LNX1: variants seen among roughly 807,000 people sequenced by gnomAD.
The protein encoded by LNX1 is E3 ubiquitin-protein ligase LNX.
Under a neutral mutation model 68.4 loss-of-function variants are expected in LNX1, and 54 were observed. The observed-to-expected ratio is 0.79, with a 90% CI of 0.63 to 0.99. The LOEUF is 0.99. Among genes scored for constraint, LNX1 ranks in the 50% least tolerant of loss-of-function variants. The pLI is 0.00. For missense variants in LNX1, 906 were observed against 926.4 expected, an observed-to-expected ratio of 0.98 and a Z score of 0.29; for synonymous variants, 336 against 350.0, an observed-to-expected ratio of 0.96 and a Z score of 0.45.
chr4:53,564,919 C>G (rs1730550480), intron 2 of LNX1, among the ~76,000 whole-genome samples: 1 of 152,220 alleles, frequency 6.6e-6, no homozygotes, highest in Non-Finnish European at 1.5e-5. Flanking sequence ...TCACTCCCAC[C>G]CGAATACTGC....
At chr4:53,564,343 C>G (rs1730494776) in intron 2 of LNX1, among the ~76,000 whole-genome samples, 1 of 150,130 alleles carries the variant, frequency 6.7e-6, no homozygotes, top group South Asian at 2.1e-4. Flanking sequence ...TTCCCCTTCC[C>G]CACATCCCTT....
At chr4:53,567,315 C>G (rs1466337602) in intron 2 of LNX1, among the ~76,000 whole-genome samples, 1 of 147,538 alleles carries the variant, frequency 6.8e-6, no homozygotes, top group African/African-American at 2.5e-5. Flanking sequence ...ACAGTGCAAT[C>G]AAACTAGAAC....
chr4:53,468,384 A>G (rs1415576102), intron 9 of LNX1, among the ~76,000 whole-genome samples: 1 of 152,236 alleles, frequency 6.6e-6, no homozygotes, highest in East Asian at 1.9e-4. Flanking sequence ...GCTACTGCAA[A>G]AACATGCCAA....
At chr4:53,565,557 A>G (rs1267591909) in intron 2 of LNX1, among the ~76,000 whole-genome samples, 9 of 151,992 alleles carry the variant, frequency 5.9e-5, no homozygotes, top group Non-Finnish European at 1.3e-4. Context: ...AAAAAACAGA[A>G]CAGAAAAACT....
intron 2 of LNX1, among the ~76,000 whole-genome samples, chr4:53,545,241 C>T (rs568555213): frequency 6.6e-6 from 1 of 152,312 alleles, no homozygotes; most frequent in East Asian, 1.9e-4. Flanking sequence ...CTAGGAACTG[C>T]CATCTTCAGC....
chr4:53,537,635 G>A (rs917306462), intron 2 of LNX1, among the ~76,000 whole-genome samples: 1 of 152,152 alleles, frequency 6.6e-6, no homozygotes, highest in African/African-American at 2.4e-5. Context: ...CTCCTGCCAG[G>A]CTTGTGAGAC....
intron 2 of LNX1, among the ~76,000 whole-genome samples, chr4:53,531,888 A>C (rs374702866): frequency 5.3e-5 from 8 of 152,078 alleles, no homozygotes; most frequent in Non-Finnish European, 1.2e-4. Context: ...CAATATATTT[A>C]TTTCTCTCTC....
chr4:53,615,976 T>G (rs1447302532), intron 2 of LNX1, among the ~76,000 whole-genome samples: 5 of 150,544 alleles, frequency 3.3e-5, no homozygotes, highest in South Asian at 4.3e-4. Flanking sequence ...CCTGTTGTGC[T>G]ATCAAATAGC....
intron 1 of LNX1, among the ~76,000 whole-genome samples, chr4:53,579,561 T>C (rs1385867610): frequency 6.6e-6 from 1 of 152,086 alleles, no homozygotes; most frequent in Admixed American, 6.5e-5. Context: ...TAAAGACACA[T>C]ACCAGAGCAA....
chr4:53,596,853 G>A, intron 2 of LNX1, among the ~76,000 whole-genome samples: 1 of 152,088 alleles, frequency 6.6e-6, no homozygotes, highest in Non-Finnish European at 1.5e-5. Context: ...TCACCCCTTA[G>A]ATCTTGTTAT....
At chr4:53,529,102 A>AACACACACACACACACAC (rs201017055) in intron 2 of LNX1, among the ~76,000 whole-genome samples, 17,404 of 137,782 alleles carry the variant, frequency 0.13, 1,403 homozygotes, top group South Asian at 0.22. Context: ...AGTCCTGACC[A>AACACACACACACACACAC]ACACACACAC....
chr4:53,640,777 T>C (rs1734649568), intron 1 of LNX1, among the ~76,000 whole-genome samples: 1 of 152,236 alleles, frequency 6.6e-6, no homozygotes, highest in Non-Finnish European at 1.5e-5. Flanking sequence ...TTGAAGGCAG[T>C]TTCTTTCCTG....
At chr4:53,549,575 G>A (rs1321304596) in intron 2 of LNX1, 1 of 151,626 alleles carries the variant, frequency 6.6e-6, no homozygotes, top group Non-Finnish European at 1.5e-5. Flanking sequence ...TGTTTTTGGT[G>A]TGATATTAGT....
chr4:53,481,273 T>C (rs1378743039), intron 7 of LNX1, among the ~76,000 whole-genome samples: 1 of 152,186 alleles, frequency 6.6e-6, no homozygotes, highest in African/African-American at 2.4e-5. Flanking sequence ...GTGTTTAAAT[T>C]ATCTTCCTGG....
intron 2 of LNX1, among the ~76,000 whole-genome samples, chr4:53,543,904 C>G (rs1728921442): frequency 6.8e-6 from 1 of 146,970 alleles, no homozygotes; most frequent in Admixed American, 7.0e-5. Context: ...AAAACAAAAA[C>G]AAACAAAAAA....
intron 1 of LNX1, among the ~76,000 whole-genome samples, chr4:53,587,104 C>T (rs547143338): frequency 3.3e-5 from 5 of 152,334 alleles, no homozygotes; most frequent in East Asian, 3.9e-4. Context: ...AGGCAACCTA[C>T]TACATTTTCG....
At chr4:53,604,556 T>C (rs1177738410) in intron 2 of LNX1, among the ~76,000 whole-genome samples, 1 of 152,202 alleles carries the variant, frequency 6.6e-6, no homozygotes, top group Non-Finnish European at 1.5e-5. Flanking sequence ...TCTTATGGGT[T>C]GTGGTACTGG....
At chr4:53,547,114 C>T (rs1226680613) in intron 2 of LNX1, among the ~76,000 whole-genome samples, 1 of 152,148 alleles carries the variant, frequency 6.6e-6, no homozygotes, top group African/African-American at 2.4e-5. Context: ...TATATCAAAT[C>T]GAAGACTATG....
chr4:53,562,144 G>A (rs745928075), intron 2 of LNX1, among the ~76,000 whole-genome samples: 1 of 152,182 alleles, frequency 6.6e-6, no homozygotes, highest in Non-Finnish European at 1.5e-5. Flanking sequence ...TGGAAATGTG[G>A]TCTTGAGCCT....
Sources: allele counts gnomAD v4.1 joint callset (sites outside exome capture counted in the v4.1 genomes callset), GRCh38; gene constraint gnomAD v4.1.1; transcripts MANE v1.5; gene names NCBI Gene and HGNC (gene_info 2026-07-23, HGNC 2026-07-21).